GRM5: variants seen among roughly 807,000 people sequenced by gnomAD.
The protein encoded by GRM5 is metabotropic glutamate receptor 5.
GRM5 carries 19 observed loss-of-function variants against 83.1 expected under a neutral mutation model. The ratio of observed to expected loss-of-function variants is 0.23; its 90% CI spans 0.16 to 0.34. The LOEUF (loss-of-function observed/expected upper bound fraction) is 0.34, where lower values mean the gene tolerates loss of function less well. Among genes scored for constraint, GRM5 ranks in the 10% least tolerant of loss-of-function variants. The probability of loss-of-function intolerance (pLI) is 1.00; values close to 1 mark genes in which losing one functional copy is unlikely to be tolerated. For synonymous variants in GRM5, 675 were observed against 633.6 expected (o/e 1.07, Z -0.98); for missense variants, 1,160 against 1,588.3 (o/e 0.73, Z 4.58).
At chr11:88,905,220 T>C (rs1268163253) in intron 2 of GRM5, among the ~76,000 whole-genome samples, 2 of 152,198 alleles carry the variant, frequency 1.3e-5, no homozygotes, top group East Asian at 3.9e-4. Context: ...TCTGAGTACA[T>C]GTTCCCAACG....
At chr11:88,657,862 C>G (rs527882686) in intron 3 of GRM5, among the ~76,000 whole-genome samples, 2 of 152,088 alleles carry the variant, frequency 1.3e-5, no homozygotes, top group African/African-American at 2.4e-5. Context: ...TGGTATAGAA[C>G]AGAAGTTTAT....
chr11:88,936,740 C>G (rs1937909810), intron 2 of GRM5, among the ~76,000 whole-genome samples: 1 of 151,526 alleles, frequency 6.6e-6, no homozygotes. Context: ...TATCATTAAC[C>G]CATTTATTCA....
Position 88,811,381 on chromosome 11 carries a change from A to T in GRM5, c.911+38525T>A, listed in dbSNP as rs531987907. Among the ~76,000 whole-genome samples, 13 of 152,300 alleles carry T rather than the reference A, an allele frequency of 8.5e-5. No individual in the cohort carries two copies. In the South Asian group the frequency reaches 2.7e-3, roughly 32 times the overall value. On this transcript the variant is annotated intron_variant, in intron 3 of 9. Coordinates refer to ENST00000305447, the MANE Select transcript of GRM5 (RefSeq NM_001143831.3). ...GGACTTTGGGAATCTGAACCAGGAA[A>T]CAGAAACTCAGTTTGAATATTTTAT...
intron 3 of GRM5, among the ~76,000 whole-genome samples, chr11:88,791,110 T>C (rs921235331): frequency 2.0e-5 from 3 of 152,140 alleles, no homozygotes; most frequent in Non-Finnish European, 2.9e-5. Flanking sequence ...GTTAAACCAG[T>C]AGCATGAACA....
In GRM5 at chr11:88,918,770, G is replaced by C. The variant is rs570003674; in HGVS notation, c.662-68615C>G. Among the ~76,000 whole-genome samples, 17 of 149,108 alleles carry C rather than the reference G, an allele frequency of 1.1e-4. No homozygotes were observed. In the South Asian group the frequency reaches 3.4e-3, roughly 30 times the overall value. On this transcript the variant is annotated intron_variant, in intron 2 of 9. Transcript: ENST00000305447. ...CAAGAAGTATGAAGTTAAATGTAGA[G>C]TTTTTATTAGTTTTTCTTTGTTTTT...
intron 2 of GRM5, among the ~76,000 whole-genome samples, chr11:88,948,546 T>C (rs1037282375): frequency 6.6e-6 from 1 of 152,216 alleles, no homozygotes; most frequent in Non-Finnish European, 1.5e-5. Context: ...CCCAGTTAAC[T>C]TAGGTCTAAC....
At position 88,572,726 on chromosome 11, in the gene GRM5, C is replaced by G. The variant is rs560653840; in HGVS notation, c.1691-4734G>C. Among the ~76,000 whole-genome samples the G allele has an allele frequency of 3.3e-5, 5 of 152,124 alleles. No individual in the cohort carries two copies. The East Asian group carries it at 9.6e-4, about 29-fold the overall frequency. Reference sequence around the variant, plus strand: ...CTGTGTAGTTATTGTTCCTAACTTCCTTATTTTCTTCTAATCACTGGGCAT... The same window carrying G: ...CTGTGTAGTTATTGTTCCTAACTTCGTTATTTTCTTCTAATCACTGGGCAT... On this transcript the variant is annotated intron_variant, in intron 7 of 9. Coordinates refer to ENST00000305447, the MANE Select transcript of GRM5 (RefSeq NM_001143831.3).
At chr11:88,603,997 A>G (rs1226333306) in intron 5 of GRM5, among the ~76,000 whole-genome samples, 1 of 152,174 alleles carries the variant, frequency 6.6e-6, no homozygotes, top group East Asian at 1.9e-4. Context: ...TATCATTTCA[A>G]TGGCATTATT....
At chr11:88,556,548 C>G (rs940509760) in intron 8 of GRM5, among the ~76,000 whole-genome samples, 1 of 151,986 alleles carries the variant, frequency 6.6e-6, no homozygotes, top group African/African-American at 2.4e-5. Context: ...GTCTTAAACT[C>G]CTGACCTCAT....
intron 8 of GRM5, among the ~76,000 whole-genome samples, chr11:88,538,036 A>G (rs1250275025): frequency 6.6e-6 from 1 of 152,052 alleles, no homozygotes; most frequent in East Asian, 1.9e-4. Flanking sequence ...CTAAGGAAAC[A>G]ATTCAACATA....
intron 3 of GRM5, among the ~76,000 whole-genome samples, chr11:88,758,269 G>A (rs1218158311): frequency 6.6e-6 from 1 of 152,106 alleles, no homozygotes; most frequent in Non-Finnish European, 1.5e-5. Context: ...TTGAAATTGG[G>A]TAGGAATGAA....
intron 2 of GRM5, among the ~76,000 whole-genome samples, chr11:89,021,264 G>A (rs1940975691): frequency 6.6e-6 from 1 of 152,170 alleles, no homozygotes; most frequent in South Asian, 2.1e-4. Flanking sequence ...AGCAAAATGT[G>A]CAGGAAGAAA....
chr11:88,917,204 T>C (rs1367966231), intron 2 of GRM5, among the ~76,000 whole-genome samples: 4 of 152,328 alleles, frequency 2.6e-5, no homozygotes, highest in Middle Eastern at 6.8e-3. Context: ...CTGCTAATAC[T>C]GGGAATTCTC....
At chr11:89,050,760 C>T (rs544012728) in intron 1 of GRM5, among the ~76,000 whole-genome samples, 3 of 152,226 alleles carry the variant, frequency 2.0e-5, no homozygotes, top group Admixed American at 6.5e-5. Flanking sequence ...ATATACACCA[C>T]GGAATACTAT....
intron 3 of GRM5, among the ~76,000 whole-genome samples, chr11:88,719,025 C>G (rs1245158700): frequency 1.3e-5 from 2 of 151,546 alleles, no homozygotes; most frequent in Non-Finnish European, 2.9e-5. Flanking sequence ...CCCCTTCCCT[C>G]TTATATTTTT....
chr11:88,974,598 T>A (rs2135010981), intron 2 of GRM5, among the ~76,000 whole-genome samples: 1 of 152,274 alleles, frequency 6.6e-6, no homozygotes, highest in Non-Finnish European at 1.5e-5. Flanking sequence ...TAGTCCCCAA[T>A]ATAGAATCAT....
At chr11:88,874,722 G>C (rs908210487) in intron 2 of GRM5, among the ~76,000 whole-genome samples, 3 of 151,806 alleles carry the variant, frequency 2.0e-5, no homozygotes, top group African/African-American at 7.3e-5. Context: ...AGAATATATA[G>C]GTATACAAGG....
chr11:88,586,151 A>T (rs1943310709), intron 7 of GRM5, among the ~76,000 whole-genome samples: 1 of 152,066 alleles, frequency 6.6e-6, no homozygotes, highest in East Asian at 1.9e-4. Flanking sequence ...TTTATGTGTA[A>T]AAAAAGGAAC....
intron 3 of GRM5, among the ~76,000 whole-genome samples, chr11:88,762,871 G>A (rs979604735): frequency 4.6e-5 from 7 of 151,900 alleles, no homozygotes; most frequent in South Asian, 2.1e-4. Flanking sequence ...TCTTTTGCAC[G>A]AACATGTAAT....
Sources: allele counts gnomAD v4.1 joint callset (sites outside exome capture counted in the v4.1 genomes callset), GRCh38; gene constraint gnomAD v4.1.1; transcripts MANE v1.5; gene names NCBI Gene and HGNC (gene_info 2026-07-23, HGNC 2026-07-21).